Variants in NR2F1-AS1 observed in about 807,000 individuals in gnomAD.
NR2F1-AS1 encodes NR2F1 regulatory antisense RNA 1.
At chr5:93,492,322 G>T (rs756357029) in intron 4 of NR2F1-AS1, among the ~76,000 whole-genome samples, 7 of 152,054 alleles carry the variant, frequency 4.6e-5, no homozygotes, top group Non-Finnish European at 1.0e-4. Flanking sequence ...TCCCAACAAA[G>T]AAAAGTCTGT....
At chr5:93,516,499 A>G (rs1049659613) in intron 4 of NR2F1-AS1, among the ~76,000 whole-genome samples, 5 of 151,984 alleles carry the variant, frequency 3.3e-5, no homozygotes, top group African/African-American at 1.2e-4. Flanking sequence ...TATATTAAAC[A>G]GTACTTTATA....
At chr5:93,562,670 A>G (rs1752519805) in intron 2 of NR2F1-AS1, among the ~76,000 whole-genome samples, 1 of 152,246 alleles carries the variant, frequency 6.6e-6, no homozygotes, top group Non-Finnish European at 1.5e-5. Flanking sequence ...TAAAGTCCCA[A>G]TATAGTAATA....
intron 4 of NR2F1-AS1, chr5:93,410,684 G>T (rs749717443): frequency 6.6e-6 from 1 of 152,130 alleles, no homozygotes; most frequent in Non-Finnish European, 1.5e-5. Context: ...TGCCAAGAAG[G>T]TTGGGGACCA....
chr5:93,494,180 A>G (rs962090755), intron 4 of NR2F1-AS1, among the ~76,000 whole-genome samples: 1 of 152,220 alleles, frequency 6.6e-6, no homozygotes, highest in African/African-American at 2.4e-5. Flanking sequence ...CAAATTTTTA[A>G]ATGGGCAAAG....
intron 4 of NR2F1-AS1, among the ~76,000 whole-genome samples, chr5:93,436,180 T>C (rs1749427156): frequency 6.6e-6 from 1 of 152,206 alleles, no homozygotes. Flanking sequence ...CCATTTGCTT[T>C]TCCCAAGTGT....
At chr5:93,444,165 ACAT>A (rs1420154854) in intron 4 of NR2F1-AS1, among the ~76,000 whole-genome samples, 2 of 152,218 alleles carry the variant, frequency 1.3e-5, no homozygotes, top group Non-Finnish European at 2.9e-5. Flanking sequence ...TAACCAGCTA[ACAT>A]CATAATGATG....
chr5:93,412,730 C>A (rs1447187269), intron 4 of NR2F1-AS1, among the ~76,000 whole-genome samples: 1 of 152,174 alleles, frequency 6.6e-6, no homozygotes, highest in African/African-American at 2.4e-5. Flanking sequence ...CCATTCCAGG[C>A]CCCCAGCTGT....
chr5:93,457,410 TCGTCACAG>T (rs1749974766), intron 4 of NR2F1-AS1, among the ~76,000 whole-genome samples: 1 of 152,158 alleles, frequency 6.6e-6, no homozygotes, highest in Non-Finnish European at 1.5e-5. Flanking sequence ...AAACCTTGAG[TCGTCACAG>T]CACGTGTTTC....
At chr5:93,491,492 C>T (rs1296202012) in intron 4 of NR2F1-AS1, among the ~76,000 whole-genome samples, 3 of 151,866 alleles carry the variant, frequency 2.0e-5, no homozygotes, top group African/African-American at 4.8e-5. Flanking sequence ...TTTTTTGTGT[C>T]ACCTTTACTG....
At chr5:93,551,708 A>G (rs748962975) in intron 4 of NR2F1-AS1, among the ~76,000 whole-genome samples, 5 of 152,166 alleles carry the variant, frequency 3.3e-5, no homozygotes, top group Non-Finnish European at 5.9e-5. Context: ...TTATAAGACA[A>G]GATCTCCTTA....
intron 4 of NR2F1-AS1, among the ~76,000 whole-genome samples, chr5:93,482,665 C>G (rs1221145864): frequency 6.6e-6 from 1 of 152,156 alleles, no homozygotes; most frequent in East Asian, 1.9e-4. Context: ...TCAGCAGACC[C>G]CAGCCCCATG....
intron 4 of NR2F1-AS1, among the ~76,000 whole-genome samples, chr5:93,462,388 C>T (rs1750116292): frequency 6.6e-6 from 1 of 152,222 alleles, no homozygotes; most frequent in South Asian, 2.1e-4. Flanking sequence ...GAGGTTTCCA[C>T]AGCCATGTGG....
intron 4 of NR2F1-AS1, among the ~76,000 whole-genome samples, chr5:93,471,478 C>T (rs1409162407): frequency 6.6e-6 from 1 of 151,672 alleles, no homozygotes; most frequent in Non-Finnish European, 1.5e-5. Flanking sequence ...GCAATGCAGC[C>T]ATTTAAATCA....
intron 4 of NR2F1-AS1, among the ~76,000 whole-genome samples, chr5:93,433,111 T>C (rs1296392200): frequency 6.6e-6 from 1 of 152,214 alleles, no homozygotes; most frequent in Non-Finnish European, 1.5e-5. Flanking sequence ...TGTGGCAGTT[T>C]TGAAAACAAA....
intron 4 of NR2F1-AS1, among the ~76,000 whole-genome samples, chr5:93,472,659 T>C (rs995525918): frequency 2.0e-5 from 3 of 151,538 alleles, no homozygotes; most frequent in Non-Finnish European, 4.4e-5. Flanking sequence ...TTCACATATA[T>C]ACAAAAAAAA....
intron 4 of NR2F1-AS1, among the ~76,000 whole-genome samples, chr5:93,538,620 C>G (rs1167337791): frequency 6.6e-6 from 1 of 152,198 alleles, no homozygotes; most frequent in East Asian, 1.9e-4. Flanking sequence ...GGAAATACTT[C>G]TTATAATTTT....
intron 4 of NR2F1-AS1, among the ~76,000 whole-genome samples, chr5:93,545,996 G>GA (rs1426883366): frequency 6.6e-6 from 1 of 152,102 alleles, no homozygotes; most frequent in Non-Finnish European, 1.5e-5. Flanking sequence ...AGTGGGATAG[G>GA]AAAAAATCAT....
chr5:93,471,707 CGTATT>C (rs1298350012), intron 4 of NR2F1-AS1, among the ~76,000 whole-genome samples: 2 of 151,858 alleles, frequency 1.3e-5, no homozygotes, highest in Admixed American at 6.6e-5. Context: ...GAGTGATAGT[CGTATT>C]GTATTTCACA....
chr5:93,483,630 G>C (rs1021800941), intron 4 of NR2F1-AS1, among the ~76,000 whole-genome samples: 5 of 152,214 alleles, frequency 3.3e-5, no homozygotes, highest in African/African-American at 1.2e-4. Flanking sequence ...GACTTCAGAA[G>C]GAGGGTAATA....
Sources: gnomAD v4.1 joint callset for allele counts (sites outside exome capture counted in the v4.1 genomes callset) on GRCh38, gnomAD v4.1.1 for gene constraint, MANE v1.5 for transcripts, NCBI Gene and HGNC (gene_info 2026-07-23, HGNC 2026-07-21) for gene names.